Variants in RBFOX1 observed in about 807,000 individuals in gnomAD.
RBFOX1 encodes RNA binding protein fox-1 homolog 1.
A neutral mutation model predicts 57.7 loss-of-function variants in RBFOX1; 8 were observed. That is an observed-to-expected ratio of 0.14 (90% CI 0.08 to 0.25). RBFOX1 has a LOEUF of 0.25. RBFOX1 is among the 10% of genes least tolerant of loss of function. The probability of loss-of-function intolerance (pLI) is 1.00; values close to 1 mark genes in which losing one functional copy is unlikely to be tolerated. For synonymous variants in RBFOX1, 326 were observed against 222.4 expected (o/e 1.47, Z -4.15); for missense variants, 611 against 548.5 (o/e 1.11, Z -1.14).
chr16:7,649,946 AAGGGAGAGGAG>A (rs780472829), intron 11 of RBFOX1, among the ~76,000 whole-genome samples: 21 of 151,248 alleles, frequency 1.4e-4, no homozygotes, highest in Admixed American at 7.3e-4. Flanking sequence ...TAAAGAAATG[AAGGGAGAGGAG>A]AGGAAGAAGA....
At chr16:7,374,042 C>G (rs894057373) in intron 4 of RBFOX1, among the ~76,000 whole-genome samples, 1 of 152,152 alleles carries the variant, frequency 6.6e-6, no homozygotes. Flanking sequence ...AAGTATCTTT[C>G]TGAGACACAC....
At chr16:6,241,810 G>C (rs1222820521) in intron 1 of RBFOX1, among the ~76,000 whole-genome samples, 3 of 152,280 alleles carry the variant, frequency 2.0e-5, no homozygotes, top group African/African-American at 4.8e-5. Context: ...CTCTTAATCA[G>C]CTAGCATCAT....
At chr16:6,676,451 C>T (rs949721242) in intron 3 of RBFOX1, among the ~76,000 whole-genome samples, 2 of 151,996 alleles carry the variant, frequency 1.3e-5, no homozygotes, top group African/African-American at 2.4e-5. Flanking sequence ...AGTATAGCAA[C>T]CAAGAGAGGA....
At chr16:6,576,204 C>A (rs2097433242) in intron 2 of RBFOX1, among the ~76,000 whole-genome samples, 1 of 152,108 alleles carries the variant, frequency 6.6e-6, no homozygotes, top group African/African-American at 2.4e-5. Flanking sequence ...TTCAGGCTTT[C>A]GAGTGGGTGG....
chr16:6,301,388 C>T (rs778908490), intron 1 of RBFOX1, among the ~76,000 whole-genome samples: 2 of 152,128 alleles, frequency 1.3e-5, no homozygotes, highest in Non-Finnish European at 2.9e-5. Context: ...GGATTAAAGA[C>T]TGCTTTCTTA....
At position 6,493,834 on chromosome 16, in the gene RBFOX1, A is replaced by G. The variant is rs139966707; in HGVS notation, c.-63-160769A>G. Among the ~76,000 whole-genome samples, 908 of 152,350 alleles carry G rather than the reference A, an allele frequency of 6.0e-3. 4 individuals are homozygous for G. Among genetic ancestry groups the G allele is most frequent in the Middle Eastern group, 0.048 (14 of 294 alleles). ...CACTTCCTTTAAACACGCCAACTGAATATACGAAAGCTAGAAATAATCAGT... is the reference window on the plus strand; with the variant it reads ...CACTTCCTTTAAACACGCCAACTGAGTATACGAAAGCTAGAAATAATCAGT... On this transcript the variant is annotated intron_variant, in intron 2 of 15. Coordinates refer to ENST00000550418, the MANE Select transcript of RBFOX1 (RefSeq NM_018723.4).
intron 3 of RBFOX1, among the ~76,000 whole-genome samples, chr16:5,691,707 G>T (rs1016644183): frequency 3.3e-5 from 5 of 152,218 alleles, no homozygotes; most frequent in African/African-American, 1.2e-4. Flanking sequence ...CATGTTTTCA[G>T]ATGAGGGATG....
chr16:6,155,084 T>C (rs2096829177), intron 1 of RBFOX1, among the ~76,000 whole-genome samples: 1 of 152,248 alleles, frequency 6.6e-6, no homozygotes, highest in African/African-American at 2.4e-5. Context: ...AATTCTGTTC[T>C]GGAACTTCTT....
intron 3 of RBFOX1, among the ~76,000 whole-genome samples, chr16:5,863,481 C>G (rs1171914675): frequency 3.3e-5 from 5 of 152,220 alleles, no homozygotes; most frequent in Non-Finnish European, 5.9e-5. Flanking sequence ...TCCAGCAGGC[C>G]TCTGCGGTAC....
chr16:7,183,501 A>C (rs775599684), intron 4 of RBFOX1, among the ~76,000 whole-genome samples: 9 of 152,232 alleles, frequency 5.9e-5, no homozygotes, highest in Non-Finnish European at 7.3e-5. Flanking sequence ...TTTAGCTATA[A>C]GAGATGCTTT....
chr16:7,004,002 T>G (rs1265709253), intron 3 of RBFOX1: 1 of 151,856 alleles, frequency 6.6e-6, no homozygotes, highest in African/African-American at 2.4e-5. Context: ...TTTTTTTTTT[T>G]TTTATAAAAA....
intron 3 of RBFOX1, among the ~76,000 whole-genome samples, chr16:6,908,439 C>A (rs189239368): frequency 2.7e-5 from 4 of 146,142 alleles, no homozygotes; most frequent in Non-Finnish European, 4.7e-5. Flanking sequence ...TACCTCTGGC[C>A]TCTGGTGTGA....
intron 2 of RBFOX1, among the ~76,000 whole-genome samples, chr16:6,469,425 A>T (rs752038385): frequency 6.6e-6 from 1 of 152,164 alleles, no homozygotes; most frequent in Non-Finnish European, 1.5e-5. Context: ...TCCAGGTCTG[A>T]GCTGGATTTC....
chr16:5,778,812 T>A (rs946467786), intron 3 of RBFOX1, among the ~76,000 whole-genome samples: 11 of 152,210 alleles, frequency 7.2e-5, no homozygotes, highest in African/African-American at 2.7e-4. Context: ...AGATAAAAGT[T>A]ACACGTCCTC....
At chr16:6,858,701 G>T (rs1186868446) in intron 3 of RBFOX1, among the ~76,000 whole-genome samples, 1 of 152,026 alleles carries the variant, frequency 6.6e-6, no homozygotes, top group Admixed American at 6.6e-5. Context: ...TTACATATCA[G>T]AATATGAGTG....
chr16:7,690,527 T>G (rs543264108), intron 14 of RBFOX1, among the ~76,000 whole-genome samples: 1 of 152,054 alleles, frequency 6.6e-6, no homozygotes, highest in Non-Finnish European at 1.5e-5. Flanking sequence ...ATCAGGTGCA[T>G]TTTGAAGTTT....
intron 4 of RBFOX1, among the ~76,000 whole-genome samples, chr16:7,416,977 G>A (rs1414233973): frequency 1.3e-5 from 2 of 152,138 alleles, no homozygotes; most frequent in Non-Finnish European, 2.9e-5. Flanking sequence ...TGGCAGGTAG[G>A]AGCCCTGAGA....
intron 3 of RBFOX1, among the ~76,000 whole-genome samples, chr16:6,971,733 G>A (rs993152471): frequency 6.6e-5 from 10 of 152,170 alleles, no homozygotes; most frequent in Non-Finnish European, 1.2e-4. Context: ...GAGTGTGGAC[G>A]GATTGGGGAC....
intron 3 of RBFOX1, among the ~76,000 whole-genome samples, chr16:7,016,327 A>G (rs1211788778): frequency 6.6e-6 from 1 of 152,188 alleles, no homozygotes; most frequent in Non-Finnish European, 1.5e-5. Flanking sequence ...ACTGGGAGTT[A>G]ATATGGTGTC....
Sources: gnomAD v4.1 joint callset for allele counts (sites outside exome capture counted in the v4.1 genomes callset) on GRCh38, gnomAD v4.1.1 for gene constraint, MANE v1.5 for transcripts, NCBI Gene and HGNC (gene_info 2026-07-23, HGNC 2026-07-21) for gene names.